Variants in PANK2 observed in about 807,000 individuals in gnomAD.
The protein encoded by PANK2 is pantothenate kinase 2.
Under a neutral mutation model 43.1 loss-of-function variants are expected in PANK2, and 36 were observed. That is an observed-to-expected ratio of 0.84 (90% CI 0.64 to 1.10). The LOEUF (loss-of-function observed/expected upper bound fraction) is 1.10. Among genes scored for constraint, PANK2 ranks in the 50% least tolerant of loss-of-function variants. The pLI, the probability that PANK2 is intolerant of heterozygous loss-of-function variation, is 0.00. For missense variants in PANK2, 576 were observed against 593.3 expected, an observed-to-expected ratio of 0.97 and a Z score of 0.30; for synonymous variants, 281 against 238.2, an observed-to-expected ratio of 1.18 and a Z score of -1.66.
At chr20:3,912,434 T>G (rs1335602629) in intron 3 of PANK2, 24 bp from the exon 4 acceptor site, 7 of 1,610,392 alleles carry the variant, frequency 4.3e-6, no homozygotes, top group African/African-American at 1.3e-5. Context: ...GTTATAATAC[T>G]GTGTTAATTG....
chr20:3,889,213 C>A (rs1426406978), upstream of PANK2: 2 of 1,612,808 alleles, frequency 1.2e-6, no homozygotes, highest in Admixed American at 3.3e-5. Flanking sequence ...CCCTCCTCCA[C>A]CACCCTCTCC....
intron 1 of PANK2, among the ~76,000 whole-genome samples, chr20:3,895,487 T>TG (rs995848213): frequency 1.4e-5 from 2 of 146,778 alleles, no homozygotes; most frequent in African/African-American, 5.0e-5. Flanking sequence ...TGTCTCCGTT[T>TG]TTTTTTTTTT....
At chr20:3,922,995 C>T (rs1310566182) in intron 6 of PANK2, among the ~76,000 whole-genome samples, 2 of 152,146 alleles carry the variant, frequency 1.3e-5, no homozygotes, top group East Asian at 1.9e-4. Context: ...GCCCTCACTG[C>T]GGGTTTGGTT....
intron 6 of PANK2, among the ~76,000 whole-genome samples, chr20:3,922,956 G>C (rs898100365): frequency 6.6e-6 from 1 of 152,142 alleles, no homozygotes; most frequent in African/African-American, 2.4e-5. Context: ...AGAGGTAACT[G>C]AGCTGCTGCT....
In PANK2 at chr20:3,907,099, C is replaced by CTAT. The variant is rs2090399209; in HGVS notation, c.299-826_299-825insATT. Among the ~76,000 whole-genome samples, 3 of 80,632 alleles carry CTAT rather than the reference C, an allele frequency of 3.7e-5. No individual in the cohort carries two copies. In the South Asian group the frequency reaches 1.4e-3, roughly 37 times the overall value. 52.9% of individuals were successfully genotyped at this position (80,632 alleles called of 152,430 possible). A position where few individuals can be genotyped will look rare whatever the true frequency, so the allele number is the denominator to read the frequency against. On this transcript the variant is annotated intron_variant, in intron 1 of 6. Transcript: ENST00000610179. ...CGTGAGCCACCGTGCCCAGCCCTGC[C>CTAT]TTTTTTTTTTTTTTTTTTTTTTGAG...
intron 1 of PANK2, among the ~76,000 whole-genome samples, chr20:3,900,164 T>A (rs959328379): frequency 1.3e-5 from 2 of 152,002 alleles, no homozygotes; most frequent in Non-Finnish European, 2.9e-5. Flanking sequence ...TTTAGTCATT[T>A]AAATTCAAGT....
chr20:3,910,397 T>C (rs2090450404), intron 2 of PANK2, among the ~76,000 whole-genome samples, 180 bp from the exon 3 acceptor site: 1 of 152,030 alleles, frequency 6.6e-6, no homozygotes. Flanking sequence ...AGCAGGAGTC[T>C]GTCTCAGCAC....
At position 3,912,553 on chromosome 20, in the gene PANK2, C is replaced by A. The variant is rs1298411591; in HGVS notation, c.1001C>A (p.Thr334Asn). 5.6e-6 allele frequency: 9 copies of A among 1,613,954 alleles called. No homozygotes were observed. ...GAAATGGCATCTCGTGGAGATAGCACCAAAGTGGATAAACTAGTACGAGAT... is the reference window on the plus strand; with the variant it reads ...GAAATGGCATCTCGTGGAGATAGCAACAAAGTGGATAAACTAGTACGAGAT... Residue 334 changes from threonine to asparagine, a missense_variant, in exon 4 of 7, where the codon ACC becomes AAC. Thr to Asn is a moderately conservative substitution (Grantham distance 65). This residue lies in a region of PANK2 where 544 missense variants were observed against 528.9 expected (regional missense o/e 1.03). Coordinates refer to ENST00000610179, the MANE Select transcript of PANK2 (RefSeq NM_001386393.1).
chr20:3,910,431 ATCTGT>A, intron 2 of PANK2, 141 bp from the exon 3 acceptor site: 1 of 920,306 alleles, frequency 1.1e-6, no homozygotes, highest in Non-Finnish European at 1.7e-6. Context: ...TTGCTCCTAA[ATCTGT>A]TCTGTAAAGC....
At chr20:3,913,775 C>CATATAT (rs1555788886) in intron 4 of PANK2, among the ~76,000 whole-genome samples, 5 of 124,002 alleles carry the variant, frequency 4.0e-5, no homozygotes, top group South Asian at 2.9e-4. Flanking sequence ...CACACACACA[C>CATATAT]ATATATATAT....
At chr20:3,917,624 A>T in intron 5 of PANK2, 1 of 482,788 alleles carries the variant, frequency 2.1e-6, no homozygotes, top group South Asian at 1.5e-5. Flanking sequence ...GGTGCAGCTT[A>T]TGGCTTGTCC....
At chr20:3,918,167 G>A (rs540980462) in intron 5 of PANK2, among the ~76,000 whole-genome samples, 4 of 152,258 alleles carry the variant, frequency 2.6e-5, no homozygotes, top group South Asian at 2.1e-4. Context: ...CATCTTTAGC[G>A]GTGAATGAGT....
At chr20:3,888,951 G>A (rs534594791), upstream of PANK2, 99 of 611,644 alleles carry the variant, frequency 1.6e-4, no homozygotes, top group Admixed American at 5.2e-4. Context: ...CCAGCGGCCA[G>A]ACGCTGCGGG....
At chr20:3,904,631 G>A (rs376292916) in intron 1 of PANK2, among the ~76,000 whole-genome samples, 7 of 152,258 alleles carry the variant, frequency 4.6e-5, no homozygotes, top group East Asian at 1.9e-4. Flanking sequence ...TCTTTTGTAC[G>A]TTGTTTATTT....
intron 6 of PANK2, among the ~76,000 whole-genome samples, chr20:3,922,792 G>T (rs1258149153): frequency 6.6e-6 from 1 of 152,024 alleles, no homozygotes; most frequent in African/African-American, 2.4e-5. Context: ...AGCTCAGTCG[G>T]GCTCTCACCC....
In PANK2 at chr20:3,889,763, C is replaced by CT. The variant is rs773775090; in HGVS notation, c.298+36dup. The CT allele has an allele frequency of 5.1e-6, 8 of 1,580,968 alleles. No individual in the cohort carries two copies. In the East Asian group the frequency reaches 1.8e-4, roughly 36 times the overall value. ...CCGTGGGGCGCCCTCCCGGCCCGCC[C>CT]TGCCCCCCCTTCCGGCCCACCCTGT... On this transcript the variant is annotated intron_variant, in intron 1 of 6. Transcript: ENST00000610179.
intron 1 of PANK2, among the ~76,000 whole-genome samples, chr20:3,903,466 C>CT (rs1258746977): frequency 0.17 from 19,954 of 117,462 alleles, 2,101 homozygotes; most frequent in African/African-American, 0.26. Flanking sequence ...TCTTCTTTTC[C>CT]TTTTTTTTTT....
At chr20:3,892,605 G>A (rs890914611) in intron 1 of PANK2, among the ~76,000 whole-genome samples, 9 of 148,582 alleles carry the variant, frequency 6.1e-5, no homozygotes, top group Non-Finnish European at 1.3e-4. Flanking sequence ...GAACCCGGGA[G>A]GCAGAGGTTG....
intron 1 of PANK2, 129 bp from the exon 2 acceptor site, chr20:3,907,797 C>T (rs1239903620): frequency 5.2e-6 from 4 of 773,080 alleles, no homozygotes; most frequent in Non-Finnish European, 8.5e-6. Flanking sequence ...ATTTCTTTGC[C>T]CCAAAACCCT....
Sources: gnomAD v4.1 joint callset for allele counts (sites outside exome capture counted in the v4.1 genomes callset) on GRCh38, gnomAD v4.1.1 for gene constraint, gnomAD v4.1.1 regional missense constraint, MANE v1.5 for transcripts, NCBI Gene and HGNC (gene_info 2026-07-23, HGNC 2026-07-21) for gene names.